The following MAP4K3 variants were observed in gnomAD, a reference collection of about 807,000 sequenced individuals.
MAP4K3 encodes MAPK/ERK kinase kinase kinase 3.
A neutral mutation model predicts 143.5 loss-of-function variants in MAP4K3; 94 were observed. The ratio of observed to expected loss-of-function variants is 0.65; its 90% CI spans 0.55 to 0.78. The LOEUF (loss-of-function observed/expected upper bound fraction) is 0.78, where lower values mean the gene tolerates loss of function less well. Ranked by LOEUF, MAP4K3 falls within the 30% of genes least tolerant of loss-of-function variation. The pLI is 0.00. For missense variants in MAP4K3, 1,077 were observed against 1,068.1 expected (o/e 1.01, Z -0.12); for synonymous variants, 416 against 347.2 (o/e 1.20, Z -2.20).
chr2:39,273,870 A>AT (rs1681138705), intron 24 of MAP4K3, among the ~76,000 whole-genome samples: 1 of 152,280 alleles, frequency 6.6e-6, no homozygotes, highest in African/African-American at 2.4e-5. Flanking sequence ...TTGGGACTTC[A>AT]TTGGCTATAC....
intron 13 of MAP4K3, among the ~76,000 whole-genome samples, chr2:39,311,182 G>C (rs1682925043): frequency 6.6e-6 from 1 of 152,104 alleles, no homozygotes; most frequent in African/African-American, 2.4e-5. Context: ...GGTTCAAGCG[G>C]TTCTCGTGCC....
At chr2:39,334,934 GT>G (rs1007293270) in intron 6 of MAP4K3, among the ~76,000 whole-genome samples, 1 of 152,156 alleles carries the variant, frequency 6.6e-6, no homozygotes, top group African/African-American at 2.4e-5. Context: ...TCCAAAGGCA[GT>G]AATATATGAG....
At chr2:39,395,304 A>C (rs1666775078) in intron 1 of MAP4K3, among the ~76,000 whole-genome samples, 1 of 143,410 alleles carries the variant, frequency 7.0e-6, no homozygotes, top group Non-Finnish European at 1.5e-5. Context: ...GGATTTTACC[A>C]AACAACCTAC....
chr2:39,293,305 T>C (rs779491263), intron 16 of MAP4K3, 37 bp from the exon 17 acceptor site: 2 of 1,226,238 alleles, frequency 1.6e-6, no homozygotes, highest in South Asian at 1.4e-5. Context: ...ATAATGTGAA[T>C]AAATTATCAA....
chr2:39,281,326 A>C (rs1681517557), intron 22 of MAP4K3, among the ~76,000 whole-genome samples: 1 of 152,206 alleles, frequency 6.6e-6, no homozygotes, highest in Non-Finnish European at 1.5e-5. Context: ...CATGGACCTT[A>C]AAATTTCCCT....
chr2:39,352,179 T>C (rs1665479960), intron 3 of MAP4K3, among the ~76,000 whole-genome samples: 1 of 152,042 alleles, frequency 6.6e-6, no homozygotes, highest in African/African-American at 2.4e-5. Context: ...TAATCCCAGC[T>C]ACTCGGGAGG....
intron 1 of MAP4K3, among the ~76,000 whole-genome samples, chr2:39,425,267 A>C (rs564561778): frequency 3.7e-4 from 57 of 152,346 alleles, no homozygotes; most frequent in Admixed American, 2.9e-3. Flanking sequence ...CAAAATTTGA[A>C]ATTATAGACT....
At chr2:39,258,639 C>A (rs751848825) in intron 29 of MAP4K3, 52 bp from the exon 30 acceptor site, 1 of 1,199,130 alleles carries the variant, frequency 8.3e-7, no homozygotes, top group South Asian at 1.2e-5. Context: ...ATACTTAAAG[C>A]ATGGAAACAT....
chr2:39,291,534 A>C (rs1168915726), intron 18 of MAP4K3, among the ~76,000 whole-genome samples: 1 of 152,212 alleles, frequency 6.6e-6, no homozygotes, highest in Non-Finnish European at 1.5e-5. Flanking sequence ...ATGCTTTATG[A>C]AATTATATGC....
rs536797558 is a variant in MAP4K3, at chr2:39,293,139, G to A, written c.1217+91C>T. On this transcript the variant is annotated intron_variant, in intron 17 of 33. Transcript: ENST00000263881. ...CTCTATTAAAGAAAAAAAAGACAAC[G>A]CAAACAAATAGGCTACATAACAGAG... 8.6e-4 allele frequency: 810 copies of A among 941,858 alleles called. 3 individuals are homozygous for A. Among genetic ancestry groups the A allele is most frequent in the Non-Finnish European group, 1.1e-3 (671 of 615,404 alleles). The allele number at this position is 941,858 out of a possible 1,614,324, so 58.3% of individuals were successfully genotyped here.
At chr2:39,397,143 A>T (rs1024068419) in intron 1 of MAP4K3, among the ~76,000 whole-genome samples, 1 of 152,192 alleles carries the variant, frequency 6.6e-6, no homozygotes, top group Non-Finnish European at 1.5e-5. Flanking sequence ...CTACATATCT[A>T]AACCAGTAAA....
At chr2:39,436,008 G>C (rs912658518) in intron 1 of MAP4K3, among the ~76,000 whole-genome samples, 1 of 152,210 alleles carries the variant, frequency 6.6e-6, no homozygotes, top group Non-Finnish European at 1.5e-5. Flanking sequence ...TGAAACTGGA[G>C]GAGTTCAACT....
chr2:39,352,813 G>C (rs1024110193), intron 3 of MAP4K3, among the ~76,000 whole-genome samples: 1 of 152,138 alleles, frequency 6.6e-6, no homozygotes, highest in Non-Finnish European at 1.5e-5. Context: ...GGGTAAATCT[G>C]ATTCTCTGAG....
intron 32 of MAP4K3, among the ~76,000 whole-genome samples, chr2:39,252,227 C>G (rs550383601): frequency 2.0e-5 from 3 of 152,320 alleles, no homozygotes; most frequent in East Asian, 3.9e-4. Context: ...TTACTGGCAG[C>G]AGTAAGCTAC....
At position 39,290,298 on chromosome 2, in the gene MAP4K3, T is replaced by A. The variant is rs767672733; in HGVS notation, c.1308A>T (p.Pro436=). The change falls in exon 19 of 34, where the codon CCA becomes CCT. Residue 436 remains proline, a synonymous_variant. Coordinates refer to ENST00000263881, the MANE Select transcript of MAP4K3 (RefSeq NM_003618.4). The stretch of plus-strand genomic sequence containing the variant: ...GAAAAATAAATCTGTCTACCTTTGG[T>A]GGCAAAGGAGGTGGAATTTTTGCTT... ...TLKAKIPPPL[P]PKPKSIFIPQ... is the part of the protein sequence containing the mutation. The A allele has an allele frequency of 3.1e-6, 5 of 1,606,966 alleles. No homozygotes were observed.
chr2:39,360,818 G>C (rs554404360), intron 2 of MAP4K3, among the ~76,000 whole-genome samples: 67 of 152,222 alleles, frequency 4.4e-4, no homozygotes, highest in Admixed American at 7.2e-4. Flanking sequence ...AACAGCAGCA[G>C]GGGGTAACTG....
Position 39,411,747 on chromosome 2 carries a change from G to A in MAP4K3, c.96+25145C>T, listed in dbSNP as rs141510166. 9.2e-5 allele frequency among the ~76,000 whole-genome samples: 14 copies of A among 152,262 alleles called. No individual in the cohort carries two copies. The East Asian group carries it at 2.1e-3, about 23-fold the overall frequency. On this transcript the variant is annotated intron_variant, in intron 1 of 33. Transcript: ENST00000263881. The stretch of plus-strand genomic sequence containing the variant: ...GAACAAAATAACTCTAAGGAACTGT[G>A]ACTGTTAGCAATGAAAAAAATGTGA...
At chr2:39,419,850 A>T (rs1391625580) in intron 1 of MAP4K3, among the ~76,000 whole-genome samples, 1 of 152,210 alleles carries the variant, frequency 6.6e-6, no homozygotes, top group African/African-American at 2.4e-5. Flanking sequence ...TCTCTGCTCA[A>T]TGCTTTTTGA....
chr2:39,369,193 G>GTTTTTTTGTT (rs747293878), intron 2 of MAP4K3, among the ~76,000 whole-genome samples: 7 of 37,978 alleles, frequency 1.8e-4, no homozygotes, highest in African/African-American at 4.1e-4. Context: ...CTTTGGGCTA[G>GTTTTTTTGTT]TTTTTTTTTT....
Sources: allele counts gnomAD v4.1 joint callset (sites outside exome capture counted in the v4.1 genomes callset), GRCh38; gene constraint gnomAD v4.1.1; transcripts MANE v1.5; gene names NCBI Gene and HGNC (gene_info 2026-07-23, HGNC 2026-07-21).